The following SENP1 variants were observed in gnomAD, a reference collection of about 807,000 sequenced individuals.
SENP1 encodes the protein sentrin-specific protease 1.
In SENP1, 21 loss-of-function variants were observed where a neutral mutation model predicts 93.0. The ratio of observed to expected loss-of-function variants is 0.23; its 90% confidence interval spans 0.16 to 0.33. The LOEUF (loss-of-function observed/expected upper bound fraction) is 0.33, where lower values mean the gene tolerates loss of function less well. Ranked by LOEUF, SENP1 falls within the 10% of genes least tolerant of loss-of-function variation. SENP1 has a pLI of 1.00. For synonymous variants in SENP1, 256 were observed against 259.6 expected (o/e 0.99, Z 0.13); for missense variants, 591 against 758.7 (o/e 0.78, Z 2.60).
At chr12:48,105,905 G>C in intron 1 of SENP1, 123 bp downstream of exon 1, 1 of 627,568 alleles carries the variant, frequency 1.6e-6, no homozygotes, top group East Asian at 2.8e-5. Context: ...AAAAGGCGCC[G>C]GCCCCACAGT....
rs542834422 is a variant in SENP1 at position 48,083,501 on chromosome 12, C to T, written c.552+90G>A. On this transcript the variant is annotated intron_variant, in intron 6 of 17. Coordinates refer to ENST00000549518, the MANE Select transcript of SENP1 (RefSeq NM_001267594.2). ...ACAGGAAGGATAAAATAGAATGGTT[C>T]TTAAACAACTAATTATTAATAGGGA... 8.0e-5 allele frequency: 83 copies of T among 1,034,968 alleles called. No individual in the cohort carries two copies. In the African/African-American group the frequency reaches 1.2e-3, roughly 15 times the overall value. The allele number at this position is 1,034,968 out of a possible 1,614,324, so 64.1% of individuals were successfully genotyped here.
At chr12:48,047,122 C>T in intron 15 of SENP1, 60 bp from the exon 16 acceptor site, 1 of 1,046,896 alleles carries the variant, frequency 9.6e-7, no homozygotes, top group Non-Finnish European at 1.5e-6. Context: ...AGCTGCCACA[C>T]TAAGAATGGG....
At chr12:48,102,263 C>T (rs1414310720) in intron 1 of SENP1, among the ~76,000 whole-genome samples, 1 of 152,042 alleles carries the variant, frequency 6.6e-6, no homozygotes, top group Non-Finnish European at 1.5e-5. Flanking sequence ...GAAAACCCAT[C>T]TCTACTAAAA....
intron 13 of SENP1, among the ~76,000 whole-genome samples, chr12:48,049,379 C>T (rs902445140): frequency 6.6e-6 from 1 of 152,104 alleles, no homozygotes; most frequent in Admixed American, 6.5e-5. Flanking sequence ...AATGGGCAGA[C>T]GCTGGCCAGG....
chr12:48,092,874 T>G (rs1205827167), intron 4 of SENP1, among the ~76,000 whole-genome samples: 2 of 152,198 alleles, frequency 1.3e-5, no homozygotes, highest in South Asian at 4.1e-4. Context: ...CTTAGATATA[T>G]TCTTTGTGAA....
In SENP1 at chr12:48,048,098, A is replaced by C. The variant is rs1219582487; in HGVS notation, c.1612-18T>G. The stretch of plus-strand genomic sequence containing the variant: ...TCCACAACCTGAGAATAAGAAAAAA[A>C]GTCTCTGTGTTTATGAGATGAAGAA... On this transcript the variant is annotated intron_variant, in intron 14 of 17. Transcript: ENST00000549518. The C allele has an allele frequency of 1.3e-6, 2 of 1,532,700 alleles. No individual in the cohort carries two copies. Among genetic ancestry groups the C allele is most frequent in the Admixed American group, 3.4e-5 (2 of 59,486 alleles). 94.9% of individuals were successfully genotyped at this position (1,532,700 alleles called of 1,614,324 possible). A position where few individuals can be genotyped will look rare whatever the true frequency, so the allele number is the denominator to read the frequency against.
At chr12:48,049,563 G>A (rs117797076) in intron 13 of SENP1, among the ~76,000 whole-genome samples, 2,717 of 152,240 alleles carry the variant, frequency 0.018, 48 homozygotes, top group Non-Finnish European at 0.028. Flanking sequence ...CTCAGTTAGC[G>A]CCTAGTGTTA....
intron 1 of SENP1, among the ~76,000 whole-genome samples, chr12:48,103,080 A>G (rs1946065721): frequency 6.6e-6 from 1 of 152,090 alleles, no homozygotes; most frequent in Non-Finnish European, 1.5e-5. Context: ...TATTAGCAAC[A>G]CTTTTTTGAC....
chr12:48,076,252 C>A (rs1357539401), intron 6 of SENP1, among the ~76,000 whole-genome samples: 1 of 152,212 alleles, frequency 6.6e-6, no homozygotes, highest in Non-Finnish European at 1.5e-5. Flanking sequence ...TGTGATATTT[C>A]GATATGTGCT....
chr12:48,047,060 T>C lies in SENP1; in HGVS notation c.1694A>G (p.Gln565Arg). ...INNEACRILL[Q>R]YLKQESIDKK... ...GTCAATGCTTTCTTGCTTTAGGTAT[T>C]GCCTAAAGGTATCAGGAGAGAATGA... The change falls in exon 16 of 18, where the codon CAA becomes CGA. Residue 565 changes from glutamine to arginine, a missense_variant and splice_region_variant. Coordinates refer to ENST00000549518, the MANE Select transcript of SENP1 (RefSeq NM_001267594.2). 1 of 1,603,278 alleles carries C rather than the reference T, an allele frequency of 6.2e-7. No homozygotes were observed. The highest frequency in any genetic ancestry group is 8.5e-7 in the Non-Finnish European group (1 of 1,170,540).
chr12:48,057,945 T>TTC (rs1227766160), intron 13 of SENP1, among the ~76,000 whole-genome samples: 3 of 91,890 alleles, frequency 3.3e-5, no homozygotes, highest in Non-Finnish European at 7.5e-5. Context: ...TTTCCTCTTT[T>TTC]TTTTTTTTTT....
At chr12:48,051,807 T>A (rs535034020) in intron 13 of SENP1, among the ~76,000 whole-genome samples, 1 of 152,034 alleles carries the variant, frequency 6.6e-6, no homozygotes, top group African/African-American at 2.4e-5. Context: ...AACAAGACTC[T>A]CTTAGCACCA....
intron 13 of SENP1, among the ~76,000 whole-genome samples, chr12:48,063,184 C>T (rs1943072393): frequency 6.6e-6 from 1 of 152,048 alleles, no homozygotes; most frequent in African/African-American, 2.4e-5. Context: ...CCCAATACCT[C>T]AAATATTTAA....
rs188000221 is a variant in SENP1, at chr12:48,101,665, G to C, written c.-44-149C>G. ...GTAAAGAGTTGACTTGATGGGAAAA[G>C]AGTAAAAACTAAAACTAGCTTGAGG... On this transcript the variant is annotated intron_variant, in intron 1 of 17. Coordinates refer to ENST00000549518, the MANE Select transcript of SENP1 (RefSeq NM_001267594.2). 1.2e-4 allele frequency: 65 copies of C among 552,192 alleles called. 1 individual carries two copies. The highest frequency in any genetic ancestry group is 1.9e-4 in the Non-Finnish European group (61 of 319,248). The allele number at this position is 552,192 out of a possible 1,614,324, so 34.2% of individuals were successfully genotyped here.
At chr12:48,105,351 C>A in intron 1 of SENP1, 1 of 518,316 alleles carries the variant, frequency 1.9e-6, no homozygotes. Flanking sequence ...AGGCATAGAT[C>A]CAGAGATCAC....
At chr12:48,081,764 C>T (rs1944507896) in intron 6 of SENP1, among the ~76,000 whole-genome samples, 1 of 151,974 alleles carries the variant, frequency 6.6e-6, no homozygotes, top group African/African-American at 2.4e-5. Flanking sequence ...CAGGATCTCA[C>T]TATGTTGCCT....
chr12:48,105,877 CA>C, intron 1 of SENP1, 150 bp downstream of exon 1: 1 of 607,520 alleles, frequency 1.6e-6, no homozygotes, highest in Non-Finnish European at 2.9e-6. Context: ...GAGGTGGTCC[CA>C]GGGGGCGGGG....
chr12:48,105,770 T>C (rs2137443661), intron 1 of SENP1: 1 of 564,672 alleles, frequency 1.8e-6, no homozygotes, highest in Non-Finnish European at 3.2e-6. Flanking sequence ...AGACGGTCTC[T>C]CCGCGGCCCA....
intron 4 of SENP1, among the ~76,000 whole-genome samples, chr12:48,089,564 A>G (rs1945095232): frequency 6.6e-6 from 1 of 152,198 alleles, no homozygotes; most frequent in Non-Finnish European, 1.5e-5. Flanking sequence ...CAAACATATT[A>G]TTACTCCAAT....
Sources: allele counts gnomAD v4.1 joint callset (sites outside exome capture counted in the v4.1 genomes callset), GRCh38; gene constraint gnomAD v4.1.1; transcripts MANE v1.5; gene names NCBI Gene and HGNC (gene_info 2026-07-23, HGNC 2026-07-21).